IQCJ: variants seen among roughly 807,000 people sequenced by gnomAD.
IQCJ encodes IQ motif containing J, also known as IQ domain-containing protein J.
Under a neutral mutation model 11.0 loss-of-function variants are expected in IQCJ, and 9 were observed. That is an observed-to-expected ratio of 0.82 (90% CI 0.49 to 1.43). The LOEUF (loss-of-function observed/expected upper bound fraction) is 1.43. Among genes scored for constraint, IQCJ ranks in the 40% most tolerant of loss-of-function variants. The pLI is 0.00. For synonymous variants in IQCJ, 55 were observed against 51.3 expected, an observed-to-expected ratio of 1.07 and a Z score of -0.31; for missense variants, 146 against 133.2, an observed-to-expected ratio of 1.10 and a Z score of -0.47.
chr3:159,206,773 A>T (rs1724679488), intron 1 of IQCJ, among the ~76,000 whole-genome samples: 1 of 152,190 alleles, frequency 6.6e-6, no homozygotes, highest in South Asian at 2.1e-4. Flanking sequence ...TAAGTCAGTC[A>T]GTCAGCTTCT....
chr3:159,215,998 T>G (rs901152365), intron 1 of IQCJ, among the ~76,000 whole-genome samples: 1 of 150,214 alleles, frequency 6.7e-6, no homozygotes, highest in Non-Finnish European at 1.5e-5. Context: ...TGGAATAAAT[T>G]TATGCATAAA....
At chr3:159,222,775 C>T (rs1725625885) in intron 1 of IQCJ, among the ~76,000 whole-genome samples, 1 of 152,050 alleles carries the variant, frequency 6.6e-6, no homozygotes, top group African/African-American at 2.4e-5. Flanking sequence ...AATCATTTCA[C>T]TATGGATATG....
At chr3:159,225,265 T>A (rs1475940197) in intron 1 of IQCJ, among the ~76,000 whole-genome samples, 1 of 152,106 alleles carries the variant, frequency 6.6e-6, no homozygotes, top group Admixed American at 6.5e-5. Flanking sequence ...CACAAAATTA[T>A]GTGAAAAAAG....
intron 1 of IQCJ, among the ~76,000 whole-genome samples, chr3:159,092,724 A>ACACACACACACACACACACACC (rs1290957760): frequency 2.0e-5 from 3 of 151,146 alleles, no homozygotes; most frequent in African/African-American, 7.4e-5. Context: ...ACACACACAC[A>ACACACACACACACACACACACC]CACACACCAT....
At chr3:159,173,480 C>T (rs887500780) in intron 1 of IQCJ, among the ~76,000 whole-genome samples, 2 of 152,162 alleles carry the variant, frequency 1.3e-5, no homozygotes, top group African/African-American at 4.8e-5. Context: ...TTATTCCACT[C>T]CTACATCGCA....
At chr3:159,149,897 C>T (rs1306898658) in intron 1 of IQCJ, among the ~76,000 whole-genome samples, 1 of 152,132 alleles carries the variant, frequency 6.6e-6, no homozygotes. Flanking sequence ...CTCATCTCTC[C>T]CTGCCTCCTT....
At position 159,239,485 on chromosome 3, in the gene IQCJ, A is replaced by G. The variant is rs745840030; in HGVS notation, c.10-6358A>G. ...AGAGAAAAAAAAAATAGAAGAAAGC[A>G]TACCACAGCCACATCTTGGAGAAGA... On this transcript the variant is annotated intron_variant, in intron 1 of 3. Coordinates refer to ENST00000397832, the MANE Select transcript of IQCJ (RefSeq NM_001042706.3). Among the ~76,000 whole-genome samples, 191 of 152,368 alleles carry G rather than the reference A, an allele frequency of 1.3e-3. 1 individual carries two copies. Among genetic ancestry groups the G allele is most frequent in the Non-Finnish European group, 1.5e-3 (99 of 68,028 alleles).
intron 1 of IQCJ, among the ~76,000 whole-genome samples, chr3:159,177,453 C>A (rs1392136416): frequency 6.6e-6 from 1 of 152,158 alleles, no homozygotes; most frequent in Non-Finnish European, 1.5e-5. Flanking sequence ...AAAAGTGTGG[C>A]AGTTTCTTAT....
chr3:159,131,152 C>G (rs1410890827), intron 1 of IQCJ, among the ~76,000 whole-genome samples: 1 of 152,128 alleles, frequency 6.6e-6, no homozygotes, highest in African/African-American at 2.4e-5. Context: ...GGGTTCAAAT[C>G]CTGTATTAGC....
At chr3:159,238,454 T>C (rs1033533030) in intron 1 of IQCJ, among the ~76,000 whole-genome samples, 1 of 152,210 alleles carries the variant, frequency 6.6e-6, no homozygotes, top group Non-Finnish European at 1.5e-5. Flanking sequence ...ATTAAGCTAC[T>C]AAAGTTTCTT....
intron 1 of IQCJ, among the ~76,000 whole-genome samples, chr3:159,082,820 G>T (rs368709790): frequency 6.6e-6 from 1 of 152,116 alleles, no homozygotes; most frequent in African/African-American, 2.4e-5. Context: ...TTAGATGGGG[G>T]AGGACATGAA....
chr3:159,262,866 T>C lies in IQCJ; in HGVS notation c.*135T>C. 2.8e-6 allele frequency: 4 copies of C among 1,415,312 alleles called. No homozygotes were observed. Among genetic ancestry groups the C allele is most frequent in the Non-Finnish European group, 1.9e-6 (2 of 1,080,756 alleles). 87.7% of individuals were successfully genotyped at this position (1,415,312 alleles called of 1,614,324 possible). ...TTGTCACCTCAAAATAAAGACACAA[T>C]TCATAAGCACAAAGTGAACTTTATC... is the stretch of plus-strand genomic sequence containing the variant. On this transcript the variant is annotated 3_prime_UTR_variant, in exon 4 of 4. Transcript: ENST00000397832.
At chr3:159,242,854 G>T (rs1015231079) in intron 1 of IQCJ, among the ~76,000 whole-genome samples, 1 of 152,010 alleles carries the variant, frequency 6.6e-6, no homozygotes, top group African/African-American at 2.4e-5. Context: ...AAAATGAAAA[G>T]ATTTGCTTGT....
At chr3:159,207,458 T>C (rs1724715745) in intron 1 of IQCJ, among the ~76,000 whole-genome samples, 1 of 152,134 alleles carries the variant, frequency 6.6e-6, no homozygotes, top group East Asian at 1.9e-4. Context: ...TATGGGGAAA[T>C]TCAAGATACC....
At chr3:159,265,660 T>C, downstream of IQCJ, 1 of 336,974 alleles carries the variant, frequency 3.0e-6, no homozygotes, top group South Asian at 7.8e-5. Flanking sequence ...TGTTACTGCC[T>C]AGACAATTTT....
chr3:159,115,525 T>G (rs1718928716), intron 1 of IQCJ, among the ~76,000 whole-genome samples: 1 of 152,180 alleles, frequency 6.6e-6, no homozygotes, highest in African/African-American at 2.4e-5. Flanking sequence ...ATAGTAAAAT[T>G]TGCCTTCTGT....
At chr3:159,143,081 A>G (rs771234188) in intron 1 of IQCJ, among the ~76,000 whole-genome samples, 4 of 152,234 alleles carry the variant, frequency 2.6e-5, no homozygotes, top group Non-Finnish European at 4.4e-5. Flanking sequence ...AAGTGTGTAC[A>G]GTCATATCCG....
At chr3:159,123,943 A>C (rs1450382013) in intron 1 of IQCJ, among the ~76,000 whole-genome samples, 1 of 152,120 alleles carries the variant, frequency 6.6e-6, no homozygotes. Flanking sequence ...ATAAAGTCCA[A>C]ACTCTCAGTA....
chr3:159,137,131 G>T (rs528259359), intron 1 of IQCJ, among the ~76,000 whole-genome samples: 2 of 151,910 alleles, frequency 1.3e-5, no homozygotes, highest in Non-Finnish European at 2.9e-5. Flanking sequence ...ATGCAGTGGT[G>T]GGCACCTGTA....
Sources: gnomAD v4.1 joint callset for allele counts (sites outside exome capture counted in the v4.1 genomes callset) on GRCh38, gnomAD v4.1.1 for gene constraint, MANE v1.5 for transcripts, NCBI Gene and HGNC (gene_info 2026-07-23, HGNC 2026-07-21) for gene names.